BCKDHB: variants seen among roughly 807,000 people sequenced by gnomAD.
The protein encoded by BCKDHB is branched chain keto acid dehydrogenase E1 subunit beta.
In BCKDHB, 41 loss-of-function variants were observed where a neutral mutation model predicts 48.5. The observed-to-expected ratio is 0.85, with a 90% CI of 0.66 to 1.10. The LOEUF (loss-of-function observed/expected upper bound fraction) is 1.10. Among genes scored for constraint, BCKDHB ranks in the 50% least tolerant of loss-of-function variants. The probability of loss-of-function intolerance (pLI) is 0.00; values close to 1 mark genes in which losing one functional copy is unlikely to be tolerated. For missense variants in BCKDHB, 496 were observed against 494.2 expected, an observed-to-expected ratio of 1.00 and a Z score of -0.03; for synonymous variants, 201 against 174.8, an observed-to-expected ratio of 1.15 and a Z score of -1.18.
chr6:80,221,899 G>A lies in BCKDHB; in HGVS notation c.951+18687G>A, dbSNP rs374570371. ...TTTCCAATAGCCACAATTCAGAATT[G>A]GGCTTCCTAAAACAGTGTATCCTTC... is the stretch of plus-strand genomic sequence containing the variant. On this transcript the variant is annotated intron_variant, in intron 8 of 9. Transcript: ENST00000320393. 7.9e-5 allele frequency among the ~76,000 whole-genome samples: 12 copies of A among 152,118 alleles called. No individual in the cohort carries two copies. The East Asian group carries it at 1.9e-3, about 25-fold the overall frequency.
At position 80,197,940 on chromosome 6, in the gene BCKDHB, A is replaced by ATCCATCCG. The variant is rs1419356698; in HGVS notation, c.743-2987_743-2986insGTCCATCC. Among the ~76,000 whole-genome samples, 5 of 145,744 alleles carry ATCCATCCG rather than the reference A, an allele frequency of 3.4e-5. No individual in the cohort carries two copies. In the East Asian group the frequency reaches 9.8e-4, roughly 28 times the overall value. Reference sequence around the variant, plus strand: ...CATTGATCTATCCATCTGTTCATCCATCCATCCATCCATCCATCCATCCAT... The same window carrying ATCCATCCG: ...CATTGATCTATCCATCTGTTCATCCATCCATCCGTCCATCCATCCATCCATCCATCCAT... On this transcript the variant is annotated intron_variant, in intron 6 of 9. Transcript: ENST00000320393.
intron 3 of BCKDHB, among the ~76,000 whole-genome samples, chr6:80,165,376 A>G (rs994307357): frequency 4.6e-5 from 7 of 152,202 alleles, no homozygotes; most frequent in Non-Finnish European, 8.8e-5. Context: ...TCATGCTTTC[A>G]GTTTTTGCAG....
chr6:80,320,431 A>G (rs1768663986), intron 9 of BCKDHB, among the ~76,000 whole-genome samples: 1 of 152,074 alleles, frequency 6.6e-6, no homozygotes, highest in Non-Finnish European at 1.5e-5. Flanking sequence ...ATACATCTTG[A>G]TAATTGTAGT....
chr6:80,202,667 C>T (rs1014371881), intron 7 of BCKDHB, among the ~76,000 whole-genome samples: 7 of 151,896 alleles, frequency 4.6e-5, no homozygotes, highest in South Asian at 2.1e-4. Context: ...GCTCTTTAAC[C>T]GTTCTTTTTA....
At chr6:80,118,606 C>T (rs146124587) in intron 1 of BCKDHB, among the ~76,000 whole-genome samples, 19 of 151,964 alleles carry the variant, frequency 1.3e-4, no homozygotes, top group East Asian at 9.7e-4. Flanking sequence ...CATGAGATGC[C>T]GTTTGATAGC....
intron 3 of BCKDHB, among the ~76,000 whole-genome samples, chr6:80,137,925 A>G (rs1312880731): frequency 6.6e-6 from 1 of 151,624 alleles, no homozygotes; most frequent in African/African-American, 2.4e-5. Flanking sequence ...CACCCCTACA[A>G]AAAATTAAAA....
At chr6:80,238,490 G>T (rs1188821478) in intron 8 of BCKDHB, among the ~76,000 whole-genome samples, 1 of 152,202 alleles carries the variant, frequency 6.6e-6, no homozygotes, top group Non-Finnish European at 1.5e-5. Flanking sequence ...AACAACTCGT[G>T]AATCTGGCAG....
intron 9 of BCKDHB, among the ~76,000 whole-genome samples, chr6:80,317,704 G>A (rs1011909271): frequency 1.3e-5 from 2 of 152,216 alleles, no homozygotes; most frequent in South Asian, 4.1e-4. Context: ...ACATTTTGGG[G>A]ACAATTATTC....
downstream of BCKDHB, among the ~76,000 whole-genome samples, chr6:80,348,215 T>TAA (rs67854118): frequency 3.3e-5 from 5 of 151,430 alleles, no homozygotes; most frequent in African/African-American, 4.9e-5. Context: ...TGTGTATATT[T>TAA]AAAAAAAAAT....
At chr6:80,175,876 T>C (rs1773127342) in intron 6 of BCKDHB, among the ~76,000 whole-genome samples, 1 of 152,234 alleles carries the variant, frequency 6.6e-6, no homozygotes, top group South Asian at 2.1e-4. Flanking sequence ...GTTGCTTCTG[T>C]GTTTGATGCT....
intron 9 of BCKDHB, among the ~76,000 whole-genome samples, chr6:80,291,355 C>T (rs979270344): frequency 4.6e-5 from 7 of 152,062 alleles, no homozygotes; most frequent in Middle Eastern, 3.2e-3. Flanking sequence ...CAGAAATCAT[C>T]GGTATGTCAA....
chr6:80,321,767 A>G (rs1249122598), intron 9 of BCKDHB, among the ~76,000 whole-genome samples: 2 of 152,332 alleles, frequency 1.3e-5, no homozygotes, highest in East Asian at 3.9e-4. Context: ...AAAATATTCA[A>G]TAGTAATCAA....
At chr6:80,392,628 T>C in the BCKDHB span, among the ~76,000 whole-genome samples, 1 of 151,880 alleles carries the variant, frequency 6.6e-6, no homozygotes, top group African/African-American at 2.4e-5. Context: ...TCATGTTGCC[T>C]TTTATAAATT....
At chr6:80,398,308 A>T in the BCKDHB span, among the ~76,000 whole-genome samples, 1 of 152,170 alleles carries the variant, frequency 6.6e-6, no homozygotes. Flanking sequence ...ATTAAAAAAA[A>T]ATAAGAGAGA....
intron 7 of BCKDHB, among the ~76,000 whole-genome samples, chr6:80,201,495 A>T (rs1192347662): frequency 6.6e-6 from 1 of 152,182 alleles, no homozygotes; most frequent in African/African-American, 2.4e-5. Context: ...GTGGCCATAA[A>T]TATATTACAA....
the BCKDHB span, among the ~76,000 whole-genome samples, chr6:80,424,671 TG>T: frequency 5.9e-5 from 9 of 152,208 alleles, no homozygotes; most frequent in Admixed American, 5.2e-4. Flanking sequence ...TGACACCTCA[TG>T]TAGAATTCTT....
At chr6:80,165,355 A>G (rs1188114788) in intron 3 of BCKDHB, among the ~76,000 whole-genome samples, 1 of 152,192 alleles carries the variant, frequency 6.6e-6, no homozygotes, top group Non-Finnish European at 1.5e-5. Flanking sequence ...ACAGATCATG[A>G]TGAGTATGAA....
At chr6:80,426,423 T>C in the BCKDHB span, among the ~76,000 whole-genome samples, 1 of 152,182 alleles carries the variant, frequency 6.6e-6, no homozygotes, top group Non-Finnish European at 1.5e-5. Context: ...GCTTAGATCA[T>C]TGATTCAGAA....
At chr6:80,293,475 CACACAGCAGGGG>C (rs1767049506) in intron 9 of BCKDHB, among the ~76,000 whole-genome samples, 1 of 152,212 alleles carries the variant, frequency 6.6e-6, no homozygotes, top group South Asian at 2.1e-4. Context: ...CCCTAGACTG[CACACAGCAGGGG>C]CTGGCCTGGC....
Sources: allele counts gnomAD v4.1 joint callset (sites outside exome capture counted in the v4.1 genomes callset), GRCh38; gene constraint gnomAD v4.1.1; transcripts MANE v1.5; gene names NCBI Gene and HGNC (gene_info 2026-07-23, HGNC 2026-07-21).